Variants in KLHL1 observed in about 807,000 individuals in gnomAD.
KLHL1 encodes kelch-like protein 1.
In KLHL1, 47 loss-of-function variants were observed where a neutral mutation model predicts 77.7. That is an observed-to-expected ratio of 0.60 (90% CI 0.48 to 0.77). The LOEUF is 0.77. Among genes scored for constraint, KLHL1 ranks in the 30% least tolerant of loss-of-function variants. The probability of loss-of-function intolerance (pLI) is 0.00; values close to 1 mark genes in which losing one functional copy is unlikely to be tolerated. For missense variants in KLHL1, 925 were observed against 910.8 expected, an observed-to-expected ratio of 1.02 and a Z score of -0.20; for synonymous variants, 360 against 325.2, an observed-to-expected ratio of 1.11 and a Z score of -1.15.
rs139535117 is a variant in KLHL1, at chr13:70,061,140, T to C, written c.497+46063A>G. On this transcript the variant is annotated intron_variant, in intron 1 of 10. Coordinates refer to ENST00000377844, the MANE Select transcript of KLHL1 (RefSeq NM_020866.3). ...CTCCATCCCCACCTCTATGGTATATTCTCTACTCACTTAATGTTTTAATCA... is the reference window on the plus strand; with the variant it reads ...CTCCATCCCCACCTCTATGGTATATCCTCTACTCACTTAATGTTTTAATCA... 1.2e-3 allele frequency among the ~76,000 whole-genome samples: 189 copies of C among 152,200 alleles called. 1 individual carries two copies. The highest frequency in any genetic ancestry group is 4.3e-3 in the African/African-American group (180 of 41,528).
Position 69,940,023 on chromosome 13 carries a change from ACATTAAGTTTCCTTAC to A in KLHL1, c.1014+1_1014+16del. 6.4e-7 allele frequency: 1 copy of A among 1,569,306 alleles called. No individual in the cohort carries two copies. The highest frequency in any genetic ancestry group is 8.7e-7 in the Non-Finnish European group (1 of 1,152,566). Reference sequence around the variant, plus strand: ...CACAGAGTGTGTCTCCATTATTAAAACATTAAGTTTCCTTACCATTGTGTAGCTGTGGGCCACCTTC... The same window carrying A: ...CACAGAGTGTGTCTCCATTATTAAAACATTGTGTAGCTGTGGGCCACCTTC... On this transcript the variant is annotated splice_donor_variant and splice_donor_5th_base_variant and intron_variant, in intron 4 of 10. Transcript: ENST00000377844. LOFTEE classifies it high-confidence loss of function.
At chr13:69,916,259 C>G (rs1297914343) in intron 4 of KLHL1, among the ~76,000 whole-genome samples, 1 of 150,354 alleles carries the variant, frequency 6.7e-6, no homozygotes, top group African/African-American at 2.5e-5. Context: ...CAAAGGATTA[C>G]AAATCATGCT....
chr13:70,062,732 T>A (rs533587200), intron 1 of KLHL1, among the ~76,000 whole-genome samples: 127 of 152,298 alleles, frequency 8.3e-4, no homozygotes, highest in African/African-American at 2.8e-3. Flanking sequence ...TGCTTCTTAA[T>A]GTATTAAACT....
chr13:69,868,718 AT>A (rs576296024), intron 5 of KLHL1, among the ~76,000 whole-genome samples: 30 of 150,128 alleles, frequency 2.0e-4, no homozygotes, highest in African/African-American at 4.6e-4. Flanking sequence ...TCAAAAGATA[AT>A]TTTTTTTTTG....
intron 1 of KLHL1, among the ~76,000 whole-genome samples, chr13:70,083,735 A>C (rs1399901837): frequency 6.6e-6 from 1 of 152,122 alleles, no homozygotes; most frequent in Non-Finnish European, 1.5e-5. Flanking sequence ...TAATATTTAC[A>C]ATAAATATGT....
chr13:70,061,228 T>G (rs931456112), intron 1 of KLHL1, among the ~76,000 whole-genome samples: 1 of 152,168 alleles, frequency 6.6e-6, no homozygotes, highest in African/African-American at 2.4e-5. Context: ...TTTGTTAGAT[T>G]GATTATCATT....
intron 4 of KLHL1, among the ~76,000 whole-genome samples, chr13:69,904,999 A>G (rs1882000091): frequency 6.6e-6 from 1 of 152,160 alleles, no homozygotes; most frequent in South Asian, 2.1e-4. Context: ...GCTACCCTGA[A>G]AGAGAAAATT....
intron 8 of KLHL1, among the ~76,000 whole-genome samples, chr13:69,735,456 A>T (rs1873725249): frequency 6.6e-6 from 1 of 150,624 alleles, no homozygotes; most frequent in African/African-American, 2.4e-5. Context: ...TTTCTAGAAA[A>T]TCTATTATAA....
intron 6 of KLHL1, among the ~76,000 whole-genome samples, chr13:69,832,940 C>G (rs923372856): frequency 6.6e-5 from 10 of 152,202 alleles, no homozygotes; most frequent in African/African-American, 2.4e-4. Flanking sequence ...TCACTTTATA[C>G]AAAAATCAAC....
chr13:69,888,552 G>A (rs1881302884), intron 4 of KLHL1, among the ~76,000 whole-genome samples: 1 of 152,112 alleles, frequency 6.6e-6, no homozygotes, highest in East Asian at 1.9e-4. Context: ...CTGAGATAGA[G>A]GCAGAGATTA....
chr13:70,068,304 G>A (rs1887060502), intron 1 of KLHL1, among the ~76,000 whole-genome samples: 1 of 151,956 alleles, frequency 6.6e-6, no homozygotes, highest in Non-Finnish European at 1.5e-5. Context: ...TCGCGCCACT[G>A]CACTCCAGCC....
At chr13:69,989,137 T>A (rs190927302) in intron 1 of KLHL1, among the ~76,000 whole-genome samples, 244 of 152,258 alleles carry the variant, frequency 1.6e-3, no homozygotes, top group Non-Finnish European at 9.7e-4. Flanking sequence ...GATTTTTGTA[T>A]ATAGTGTAAG....
chr13:69,752,281 A>G (rs1373155536), intron 7 of KLHL1, among the ~76,000 whole-genome samples: 1 of 152,132 alleles, frequency 6.6e-6, no homozygotes, highest in African/African-American at 2.4e-5. Context: ...TAAAGATTTA[A>G]CTATTGCTAA....
chr13:69,835,651 A>C (rs545799921), intron 6 of KLHL1, among the ~76,000 whole-genome samples: 1 of 152,250 alleles, frequency 6.6e-6, no homozygotes, highest in East Asian at 1.9e-4. Flanking sequence ...CCCTGAGAGT[A>C]AAGAAAATTA....
intron 6 of KLHL1, among the ~76,000 whole-genome samples, chr13:69,832,239 A>G (rs1373252642): frequency 1.3e-5 from 2 of 150,222 alleles, no homozygotes; most frequent in East Asian, 1.9e-4. Context: ...CTGATAAAAG[A>G]ATTCAGTAAA....
At chr13:69,939,368 T>C (rs1282731312) in intron 4 of KLHL1, among the ~76,000 whole-genome samples, 18 of 89,476 alleles carry the variant, frequency 2.0e-4, no homozygotes, top group South Asian at 3.3e-4. Flanking sequence ...TATATATATA[T>C]ATATATATAT....
intron 7 of KLHL1, among the ~76,000 whole-genome samples, chr13:69,770,823 A>T (rs1875527957): frequency 6.6e-6 from 1 of 152,158 alleles, no homozygotes; most frequent in African/African-American, 2.4e-5. Context: ...AGCTGGGCTC[A>T]CTGCAACCTC....
rs184825509 is a variant in KLHL1, at chr13:69,922,163, T to G, written c.1014+17877A>C. ...TATCTCACCTTGTTACCCAGGCTGG[T>G]CTCTAACTCCTGGTCTCAAGGGATT... On this transcript the variant is annotated intron_variant, in intron 4 of 10. Coordinates refer to ENST00000377844, the MANE Select transcript of KLHL1 (RefSeq NM_020866.3). Among the ~76,000 whole-genome samples, 266 of 152,182 alleles carry G rather than the reference T, an allele frequency of 1.7e-3. 4 individuals carry two copies. Among genetic ancestry groups the G allele is most frequent in the African/African-American group, 6.1e-3 (252 of 41,526 alleles).
At chr13:69,855,943 A>G (rs1390594261) in intron 5 of KLHL1, among the ~76,000 whole-genome samples, 1 of 147,326 alleles carries the variant, frequency 6.8e-6, no homozygotes, top group Non-Finnish European at 1.5e-5. Flanking sequence ...CATGTTTTAT[A>G]TATTATATAT....
Sources: gnomAD v4.1 joint callset for allele counts (sites outside exome capture counted in the v4.1 genomes callset) on GRCh38, gnomAD v4.1.1 for gene constraint, MANE v1.5 for transcripts, NCBI Gene and HGNC (gene_info 2026-07-23, HGNC 2026-07-21) for gene names.